The following GML variants were observed in gnomAD, a reference collection of about 807,000 sequenced individuals.
GML encodes the protein glycosylphosphatidylinositol anchored molecule like, also known as glycosyl-phosphatidylinositol-anchored molecule-like protein.
In GML, 5 loss-of-function variants were observed where a neutral mutation model predicts 8.2. The ratio of observed to expected loss-of-function variants is 0.61; its 90% confidence interval spans 0.32 to 1.28. GML has a LOEUF of 1.28. GML is among the 50% of genes most tolerant of loss of function. GML has a pLI of 0.06. For missense variants in GML, 191 were observed against 198.3 expected (o/e 0.96, Z 0.22); for synonymous variants, 72 against 69.0 (o/e 1.04, Z -0.22).
At chr8:142,843,809 C>T (rs1356950877) in intron 3 of GML, among the ~76,000 whole-genome samples, 3 of 152,158 alleles carry the variant, frequency 2.0e-5, no homozygotes, top group Non-Finnish European at 4.4e-5. Flanking sequence ...TGCAAGAACA[C>T]TATTGAAGAC....
intron 3 of GML, among the ~76,000 whole-genome samples, chr8:142,843,046 T>C (rs891080428): frequency 9.2e-5 from 14 of 152,208 alleles, no homozygotes; most frequent in African/African-American, 3.4e-4. Flanking sequence ...GACAAAGAAA[T>C]TGGGAATGCT....
At chr8:142,835,221 A>AC (rs1040235170) in intron 1 of GML, among the ~76,000 whole-genome samples, 3 of 149,444 alleles carry the variant, frequency 2.0e-5, no homozygotes, top group Non-Finnish European at 3.0e-5. Flanking sequence ...TCCCAGGGAG[A>AC]CCCCCCAACT....
Position 142,836,138 on chromosome 8 carries a change from G to A in GML, c.-23+1270G>A, listed in dbSNP as rs1018207285. Among the ~76,000 whole-genome samples, 10 of 152,168 alleles carry A rather than the reference G, an allele frequency of 6.6e-5. No homozygotes were observed. In the South Asian group the frequency reaches 2.1e-3, roughly 32 times the overall value. On this transcript the variant is annotated intron_variant, in intron 1 of 3. Transcript: ENST00000220940. The stretch of plus-strand genomic sequence containing the variant: ...TCTAGCAAATTATCTAGGAGGAGGT[G>A]GTCTTGGAAACCCTTGATTTATAAC...
intron 1 of GML, among the ~76,000 whole-genome samples, chr8:142,836,090 T>C (rs1043238525): frequency 6.6e-6 from 1 of 152,210 alleles, no homozygotes; most frequent in African/African-American, 2.4e-5. Flanking sequence ...AAGTAAACTG[T>C]TTTCTTGTGC....
chr8:142,841,609 C>T (rs1457602861), intron 3 of GML, among the ~76,000 whole-genome samples: 1 of 152,132 alleles, frequency 6.6e-6, no homozygotes, highest in African/African-American at 2.4e-5. Context: ...CTCGGCAGGT[C>T]AAAGCAGTGG....
chr8:142,846,847 G>A lies in GML; in HGVS notation c.*157G>A, dbSNP rs1281445840. On this transcript the variant is annotated 3_prime_UTR_variant, in exon 4 of 4. Transcript: ENST00000220940. ...AGAAAAATTAAAAAAATATTGTTTA[G>A]TGGAGATGTTCATGAGCATTTGTTT... 5 of 592,738 alleles carry A rather than the reference G, an allele frequency of 8.4e-6. No homozygotes were observed. The allele number at this position is 592,738 out of a possible 1,614,324, so 36.7% of individuals were successfully genotyped here. A position where few individuals can be genotyped will look rare whatever the true frequency, so the allele number is the denominator to read the frequency against.
At chr8:142,840,839 C>T (rs906079549) in intron 2 of GML, among the ~76,000 whole-genome samples, 4 of 152,156 alleles carry the variant, frequency 2.6e-5, no homozygotes, top group African/African-American at 7.2e-5. Flanking sequence ...CGAGGTGAGC[C>T]AGGTCTGCAG....
chr8:142,842,155 G>A (rs564401542), intron 3 of GML, among the ~76,000 whole-genome samples: 42 of 152,254 alleles, frequency 2.8e-4, no homozygotes, highest in African/African-American at 9.9e-4. Flanking sequence ...TTTATAAGGA[G>A]CTTTTCCCCG....
chr8:142,842,120 G>C (rs1445777188), intron 3 of GML, among the ~76,000 whole-genome samples: 3 of 152,142 alleles, frequency 2.0e-5, no homozygotes, highest in Non-Finnish European at 4.4e-5. Flanking sequence ...TCTCGTGATA[G>C]TGAGTTCCCA....
At chr8:142,835,927 G>GA (rs1407826726) in intron 1 of GML, among the ~76,000 whole-genome samples, 12 of 152,290 alleles carry the variant, frequency 7.9e-5, no homozygotes, top group African/African-American at 2.9e-4. Context: ...TATATGTTAT[G>GA]AACTCAATAT....
At chr8:142,835,211 TC>T (rs5895737) in intron 1 of GML, among the ~76,000 whole-genome samples, 71,892 of 150,878 alleles carry the variant, frequency 0.48, 18,678 homozygotes, top group East Asian at 0.78. Context: ...CCCATCAGGG[TC>T]CCAGGGAGAC....
At chr8:142,839,715 C>T (rs1480249445) in intron 1 of GML, among the ~76,000 whole-genome samples, 1 of 152,130 alleles carries the variant, frequency 6.6e-6, no homozygotes, top group Non-Finnish European at 1.5e-5. Flanking sequence ...GCAGTTGGGT[C>T]CCTGCGAGAA....
chr8:142,838,406 C>T (rs528341865), intron 1 of GML, among the ~76,000 whole-genome samples: 2 of 152,272 alleles, frequency 1.3e-5, no homozygotes, highest in East Asian at 1.9e-4. Context: ...ATTAGTCAAC[C>T]GGAGACTCGG....
chr8:142,844,514 C>T (rs1236402955), intron 3 of GML, among the ~76,000 whole-genome samples: 2 of 152,002 alleles, frequency 1.3e-5, no homozygotes, highest in Non-Finnish European at 2.9e-5. Flanking sequence ...ATAGTATAAC[C>T]GCAAGCCACG....
chr8:142,836,553 ATTG>A (rs1384187048), intron 1 of GML, among the ~76,000 whole-genome samples: 3 of 152,124 alleles, frequency 2.0e-5, no homozygotes, highest in Admixed American at 6.5e-5. Context: ...GTTTATTTCT[ATTG>A]TTGTTTTATT....
rs759090122 is a variant in GML, at chr8:142,846,492, CT to C, written c.281del (p.Phe94SerfsTer34). The C allele has an allele frequency of 1.2e-6, 2 of 1,613,884 alleles. No individual in the cohort carries two copies. The highest frequency in any genetic ancestry group is 4.5e-5 in the East Asian group (2 of 44,886). The part of the protein sequence containing the change: ...EQPPEAPGKI[F>X]KTNSFYWVCC... ...AGCCTCCTGAAGCCCCAGGAAAAAT[CT>C]TCAAAACTAATAGCTTCTACTGGGT... On this transcript the variant is annotated frameshift_variant, in exon 4 of 4. Transcript: ENST00000220940. LOFTEE classifies it low-confidence loss of function (END_TRUNC).
rs192072542 is a variant in GML, at chr8:142,841,535, C to A, written c.181+310C>A. On this transcript the variant is annotated intron_variant, in intron 3 of 3. Transcript: ENST00000220940. ...GTCCCTGGTTGTGTGTGTAGACACC[C>A]CATGCTGCCTGGGTGAGTCCTCACT... Among the ~76,000 whole-genome samples, 269 of 152,274 alleles carry A rather than the reference C, an allele frequency of 1.8e-3. 3 individuals carry two copies. Among genetic ancestry groups the A allele is most frequent in the Non-Finnish European group, 1.7e-3 (119 of 68,012 alleles).
chr8:142,837,452 T>A (rs1816360204), intron 1 of GML, among the ~76,000 whole-genome samples: 1 of 151,946 alleles, frequency 6.6e-6, no homozygotes. Context: ...GGCTTAGAGT[T>A]GCAGCAGGTG....
At chr8:142,844,864 T>C (rs1816483833) in intron 3 of GML, among the ~76,000 whole-genome samples, 1 of 152,192 alleles carries the variant, frequency 6.6e-6, no homozygotes, top group African/African-American at 2.4e-5. Context: ...TAGAAAACTC[T>C]TCGATGTTGT....
Sources: gnomAD v4.1 joint callset for allele counts (sites outside exome capture counted in the v4.1 genomes callset) on GRCh38, gnomAD v4.1.1 for gene constraint, MANE v1.5 for transcripts, NCBI Gene and HGNC (gene_info 2026-07-23, HGNC 2026-07-21) for gene names.